The following HEATR5B variants were observed in gnomAD, a reference collection of about 807,000 sequenced individuals.
HEATR5B encodes HEAT repeat containing 5B.
In HEATR5B, 156 loss-of-function variants were observed where a neutral mutation model predicts 224.1. That is an observed-to-expected ratio of 0.70 (90% CI 0.61 to 0.80). The LOEUF (loss-of-function observed/expected upper bound fraction) is 0.80. Ranked by LOEUF, HEATR5B falls within the 30% of genes least tolerant of loss-of-function variation. The pLI, the probability that HEATR5B is intolerant of heterozygous loss-of-function variation, is 0.00. For missense variants in HEATR5B, 2,323 were observed against 2,535.5 expected, an observed-to-expected ratio of 0.92 and a Z score of 1.80; for synonymous variants, 1,027 against 893.0, an observed-to-expected ratio of 1.15 and a Z score of -2.68.
chr2:37,010,224 A>G (rs1209813670), intron 27 of HEATR5B, among the ~76,000 whole-genome samples: 3 of 152,198 alleles, frequency 2.0e-5, no homozygotes, highest in African/African-American at 4.8e-5. Context: ...GCAAGAAAAG[A>G]ATTGCTCTAG....
Position 37,040,474 on chromosome 2 carries a change from A to G in HEATR5B, c.2901T>C (p.Gly967=), listed in dbSNP as rs1264098236. ...HSLALIVDSS[G]PMYRGYVEPT... is the part of the protein sequence containing the mutation. ...GTTCCACATAGCCACGATACATCGG[A>G]CCACTAGAATCCACTATCAAAGCAA... The change falls in exon 20 of 36, where the codon GGT becomes GGC. Residue 967 remains glycine (G), a synonymous_variant. Coordinates refer to ENST00000233099, the MANE Select transcript of HEATR5B (RefSeq NM_019024.3). 1 of 1,613,592 alleles carries G rather than the reference A, an allele frequency of 6.2e-7. No individual in the cohort carries two copies.
rs1002085895 is a variant in HEATR5B, at chr2:36,981,902, C to T, written c.5912-108G>A. 8.5e-6 allele frequency: 6 copies of T among 708,750 alleles called. No homozygotes were observed. The African/African-American group carries it at 9.0e-5, about 11-fold the overall frequency. The allele number at this position is 708,750 out of a possible 1,614,324, so 43.9% of individuals were successfully genotyped here. The stretch of plus-strand genomic sequence containing the variant: ...CTGAACATAATAAAATATAAGTACA[C>T]ATGCACAGCCTACTTTAGACCTCAA... On this transcript the variant is annotated intron_variant, in intron 35 of 35. Transcript: ENST00000233099.
chr2:37,019,461 T>TC lies in HEATR5B; in HGVS notation c.4104+347_4104+348insG, dbSNP rs1491498701. Among the ~76,000 whole-genome samples the TC allele has an allele frequency of 2.8e-4, 39 of 141,780 alleles. No individual in the cohort carries two copies. The East Asian group carries it at 4.8e-3, about 17-fold the overall frequency. The allele number at this position is 141,780 out of a possible 152,430, so 93.0% of individuals were successfully genotyped here. A position where few individuals can be genotyped will look rare whatever the true frequency, so the allele number is the denominator to read the frequency against. ...TATTATTTTGTTTTTCCTCTCTCTC[T>TC]TTTTTTTTTTTTTGAGACAGGGTCT... On this transcript the variant is annotated intron_variant, in intron 26 of 35. Transcript: ENST00000233099.
At chr2:37,020,371 G>A (rs112727826) in intron 25 of HEATR5B, among the ~76,000 whole-genome samples, 272 of 152,298 alleles carry the variant, frequency 1.8e-3, no homozygotes, top group Admixed American at 3.8e-3. Context: ...TTAAAGGGCA[G>A]AGCTAAATAT....
intron 27 of HEATR5B, among the ~76,000 whole-genome samples, chr2:37,013,460 G>C (rs182498182): frequency 5.9e-5 from 9 of 152,328 alleles, no homozygotes; most frequent in African/African-American, 1.9e-4. Flanking sequence ...TGCGGCAGGA[G>C]GACTGTTTGG....
chr2:36,985,023 G>A (rs1032900807), intron 35 of HEATR5B, among the ~76,000 whole-genome samples: 2 of 152,128 alleles, frequency 1.3e-5, no homozygotes, highest in African/African-American at 2.4e-5. Flanking sequence ...CCTTGGTCAT[G>A]CAGGGTGAAA....
chr2:37,072,143 T>A lies in HEATR5B; in HGVS notation c.736A>T (p.Met246Leu). 1 of 1,614,122 alleles carries A rather than the reference T, an allele frequency of 6.2e-7. No individual in the cohort carries two copies. Among genetic ancestry groups the A allele is most frequent in the Non-Finnish European group, 8.5e-7 (1 of 1,179,994 alleles). ...VAVSKLLGTV[M>L]ATALMPKQAT... ...TGTTTTGGCATTAATGCTGTGGCCATGACTGTTCCTAAAAGTTTAGACACT... is the reference window on the plus strand; with the variant it reads ...TGTTTTGGCATTAATGCTGTGGCCAAGACTGTTCCTAAAAGTTTAGACACT... The change falls in exon 6 of 36, where the codon ATG (methionine) becomes TTG (leucine). Residue 246 changes from methionine (M) to leucine (L), a missense_variant. Met to Leu is a conservative substitution (Grantham distance 15, BLOSUM62 2). This residue lies in a region of HEATR5B where 292 missense variants were observed against 332.6 expected (regional missense o/e 0.88). Coordinates refer to ENST00000233099, the MANE Select transcript of HEATR5B (RefSeq NM_019024.3).
intron 14 of HEATR5B, among the ~76,000 whole-genome samples, chr2:37,058,061 T>C (rs1327522074): frequency 6.6e-6 from 1 of 152,208 alleles, no homozygotes; most frequent in African/African-American, 2.4e-5. Flanking sequence ...TATTACAGTA[T>C]ATAGGAAGCA....
Position 36,981,696 on chromosome 2 carries a change from C to G in HEATR5B, c.6010G>C (p.Glu2004Gln). The G allele has an allele frequency of 6.2e-7, 1 of 1,614,000 alleles. No homozygotes were observed. The highest frequency in any genetic ancestry group is 8.5e-7 in the Non-Finnish European group (1 of 1,179,980). The change falls in exon 36 of 36, where the codon GAG (glutamate) becomes CAG (glutamine). Residue 2004 changes from glutamate to glutamine, a missense_variant. By Grantham distance (29) the Glu-to-Gln change is conservative (BLOSUM62 2). Around this residue, in one of 12 missense-constraint regions of HEATR5B, gnomAD observed 844 missense variants for 812.9 expected, o/e 1.04. Transcript: ENST00000233099. ...SASSASKDLH[E>Q]FALQNLMHIG... ...TGCATTAAATTCTGGAGTGCAAACT[C>G]ATGAAGATCTTTGGAAGCTGAACTT...
chr2:37,065,688 A>C (rs900641989), intron 9 of HEATR5B, 67 bp downstream of exon 9: 17 of 1,331,940 alleles, frequency 1.3e-5, no homozygotes, highest in Non-Finnish European at 1.5e-5. Flanking sequence ...ATCAGGAATT[A>C]AATATCAATC....
intron 6 of HEATR5B, 94 bp downstream of exon 6, chr2:37,072,016 G>C: frequency 9.9e-7 from 1 of 1,009,336 alleles, no homozygotes; most frequent in Non-Finnish European, 1.4e-6. Context: ...AGTAGACAAA[G>C]ATACCTAAAA....
At chr2:37,050,705 A>C (rs959866121) in intron 17 of HEATR5B, among the ~76,000 whole-genome samples, 2 of 152,228 alleles carry the variant, frequency 1.3e-5, no homozygotes, top group Non-Finnish European at 2.9e-5. Context: ...ATTTCACAGA[A>C]GACAATTATA....
At chr2:37,075,769 T>C (rs1483224260) in intron 4 of HEATR5B, 135 bp from the exon 5 acceptor site, 2 of 522,482 alleles carry the variant, frequency 3.8e-6, no homozygotes, top group Non-Finnish European at 3.3e-6. Flanking sequence ...AAAAGTACAA[T>C]AAAATTAAGT....
At position 37,041,236 on chromosome 2, in the gene HEATR5B, C is replaced by T; in HGVS notation, c.2753G>A (p.Cys918Tyr). 1 of 1,614,074 alleles carries T rather than the reference C, an allele frequency of 6.2e-7. No homozygotes were observed. Among genetic ancestry groups the T allele is most frequent in the Non-Finnish European group, 8.5e-7 (1 of 1,179,964 alleles). ...SRTGHSLALG[C>Y]LHRYVGGIGS... Reference sequence around the variant, plus strand: ...TATTCCACCAACATAACGATGCAAACAACCAAGAGCCAATGAATGACCAGT... The same window carrying T: ...TATTCCACCAACATAACGATGCAAATAACCAAGAGCCAATGAATGACCAGT... The change falls in exon 19 of 36, where the codon TGT becomes TAT. Residue 918 changes from cysteine (C) to tyrosine (Y), a missense_variant. Cys to Tyr is a radical substitution (Grantham distance 194). Transcript: ENST00000233099.
chr2:37,046,633 C>T (rs1239863412), intron 18 of HEATR5B, among the ~76,000 whole-genome samples: 5 of 139,538 alleles, frequency 3.6e-5, no homozygotes, highest in African/African-American at 1.4e-4. Context: ...CAGGGAAACT[C>T]TGTCTCAAAA....
intron 22 of HEATR5B, among the ~76,000 whole-genome samples, chr2:37,029,220 C>T (rs1378069362): frequency 1.3e-5 from 2 of 152,160 alleles, no homozygotes; most frequent in Non-Finnish European, 2.9e-5. Context: ...AGATATACTG[C>T]TAAATATATT....
At position 36,990,660 on chromosome 2, in the gene HEATR5B, T is replaced by A. The variant is rs748416531; in HGVS notation, c.5685A>T (p.Ser1895=). ...ACGTGTAACTTACCCATGGGTCGCA[T>A]GAATTTAATGCATTTTTAAATCTGT... ...CMNRFKNALN[S]CDPWVQAKCY... is the part of the protein sequence containing the mutation. Residue 1895 remains serine, a synonymous_variant, in exon 34 of 36, where the codon TCA becomes TCT. Transcript: ENST00000233099. 8.8e-6 allele frequency: 14 copies of A among 1,589,846 alleles called. No homozygotes were observed. In the East Asian group the frequency reaches 3.1e-4, roughly 36 times the overall value.
intron 2 of HEATR5B, among the ~76,000 whole-genome samples, chr2:37,081,739 G>C (rs560516412): frequency 2.8e-4 from 42 of 152,092 alleles, no homozygotes; most frequent in Non-Finnish European, 6.0e-4. Context: ...GCACAGTTGC[G>C]GTCTGGGAAA....
chr2:37,044,870 G>C (rs1259745278), intron 18 of HEATR5B, among the ~76,000 whole-genome samples: 1 of 152,044 alleles, frequency 6.6e-6, no homozygotes, highest in Non-Finnish European at 1.5e-5. Context: ...ATTTTTGATA[G>C]TTTCTATGTC....
Sources: allele counts gnomAD v4.1 joint callset (sites outside exome capture counted in the v4.1 genomes callset), GRCh38; gene constraint gnomAD v4.1.1; regional missense constraint gnomAD v4.1.1; transcripts MANE v1.5; gene names NCBI Gene and HGNC (gene_info 2026-07-23, HGNC 2026-07-21).